The following LHFPL1 variants were observed in gnomAD, a reference collection of about 807,000 sequenced individuals.
LHFPL1 encodes LHFPL tetraspan subfamily member 1.
Under a neutral mutation model 12.1 loss-of-function variants are expected in LHFPL1, and 4 were observed. That is an observed-to-expected ratio of 0.33 (90% CI 0.16 to 0.76). The LOEUF (loss-of-function observed/expected upper bound fraction) is 0.76. Ranked by LOEUF, LHFPL1 falls within the 30% of genes least tolerant of loss-of-function variation. The probability of loss-of-function intolerance (pLI) is 0.61; values close to 1 mark genes in which losing one functional copy is unlikely to be tolerated. For missense variants in LHFPL1, 141 were observed against 174.1 expected (o/e 0.81, Z 1.07); for synonymous variants, 52 against 61.9 (o/e 0.84, Z 0.75).
chrX:112,645,585 AC>A (rs1321713148), intron 3 of LHFPL1, among the ~76,000 whole-genome samples: 1 of 111,870 alleles, frequency 8.9e-6, no homozygotes, highest in Non-Finnish European at 1.9e-5. Context: ...GCCCAAGGTC[AC>A]AGAGCTAAGA....
intron 3 of LHFPL1, among the ~76,000 whole-genome samples, chrX:112,640,953 A>T (rs1445541414): frequency 1.8e-5 from 2 of 111,748 alleles, no homozygotes; most frequent in African/African-American, 6.5e-5. Context: ...AATGTTCAGA[A>T]TATGCTTTTT....
intron 3 of LHFPL1, among the ~76,000 whole-genome samples, chrX:112,646,397 G>A (rs1490364338): frequency 9.2e-6 from 1 of 109,006 alleles, no homozygotes; most frequent in Non-Finnish European, 1.9e-5. Flanking sequence ...GCAATTGTAC[G>A]GTTTTGTTTT....
chrX:112,655,612 T>C (rs771424518), intron 3 of LHFPL1, among the ~76,000 whole-genome samples: 1 of 112,063 alleles, frequency 8.9e-6, no homozygotes. Context: ...TTCATCTCTC[T>C]GAACCATGTC....
chrX:112,679,471 A>G (rs576947776), intron 1 of LHFPL1, among the ~76,000 whole-genome samples: 7 of 111,844 alleles, frequency 6.3e-5, no homozygotes, highest in African/African-American at 2.3e-4. Context: ...TTTTACTTGT[A>G]TAGACAGGTC....
intron 1 of LHFPL1, among the ~76,000 whole-genome samples, chrX:112,673,528 G>A (rs1931570592): frequency 8.9e-6 from 1 of 111,847 alleles, no homozygotes; most frequent in African/African-American, 3.3e-5. Flanking sequence ...TGATGAAGCA[G>A]CCCAGGCCAG....
intron 1 of LHFPL1, among the ~76,000 whole-genome samples, chrX:112,673,949 C>T (rs112526216): frequency 0.058 from 6,493 of 111,472 alleles, 168 homozygotes; most frequent in Middle Eastern, 0.096. Flanking sequence ...AAACTAACTC[C>T]GAATGTCCCT....
intron 3 of LHFPL1, among the ~76,000 whole-genome samples, chrX:112,633,303 A>T (rs183384183): frequency 2.7e-5 from 3 of 112,159 alleles, no homozygotes; most frequent in Non-Finnish European, 5.6e-5. Flanking sequence ...ACTATGGCTT[A>T]AATTTTGAAT....
intron 1 of LHFPL1, among the ~76,000 whole-genome samples, chrX:112,671,714 A>C (rs1365310850): frequency 8.9e-6 from 1 of 112,047 alleles, no homozygotes; most frequent in Non-Finnish European, 1.9e-5. Context: ...GCCGGATCAG[A>C]CAGCTTTTAA....
chrX:112,665,442 C>G (rs371955816), intron 2 of LHFPL1, among the ~76,000 whole-genome samples: 1 of 111,777 alleles, frequency 8.9e-6, no homozygotes, highest in Non-Finnish European at 1.9e-5. Flanking sequence ...CCACCTGCCT[C>G]GGCCTCCCAA....
At chrX:112,639,829 T>G (rs1464233390) in intron 3 of LHFPL1, among the ~76,000 whole-genome samples, 2 of 112,301 alleles carry the variant, frequency 1.8e-5, no homozygotes, top group Admixed American at 9.4e-5. Context: ...CACTTCTGGG[T>G]CACCCCGTGT....
chrX:112,632,752 T>G (rs775388409), intron 3 of LHFPL1, among the ~76,000 whole-genome samples: 34 of 112,023 alleles, frequency 3.0e-4, no homozygotes, highest in African/African-American at 9.1e-4. Flanking sequence ...TTTAGTTGAT[T>G]AGTTGGTGTC....
At chrX:112,677,390 T>G (rs1232915732) in intron 1 of LHFPL1, among the ~76,000 whole-genome samples, 1 of 111,489 alleles carries the variant, frequency 9.0e-6, no homozygotes, top group African/African-American at 3.3e-5. Flanking sequence ...GCAGCTTTCT[T>G]GGCACTGGTG....
At chrX:112,659,589 T>C (rs913667418) in intron 3 of LHFPL1, among the ~76,000 whole-genome samples, 1 of 112,154 alleles carries the variant, frequency 8.9e-6, no homozygotes, top group African/African-American at 3.2e-5. Context: ...AACGAAACTG[T>C]CATTTTCAAA....
intron 3 of LHFPL1, among the ~76,000 whole-genome samples, chrX:112,647,078 T>C (rs1930712902): frequency 8.9e-6 from 1 of 111,995 alleles, no homozygotes; most frequent in African/African-American, 3.2e-5. Flanking sequence ...TTATATTGTG[T>C]TCATGAGAAC....
chrX:112,649,786 A>G lies in LHFPL1; in HGVS notation c.481+10841T>C, dbSNP rs529959226. Among the ~76,000 whole-genome samples the G allele has an allele frequency of 1.0e-3, 114 of 111,584 alleles. No homozygotes were observed. In the South Asian group the frequency reaches 0.018, roughly 18 times the overall value. On this transcript the variant is annotated intron_variant, in intron 3 of 3. Coordinates refer to ENST00000371968, the MANE Select transcript of LHFPL1 (RefSeq NM_178175.4). ...GTTATTTATATGTATTTTGTCTTTTATAACTTTTTTCTTCTCTACAAGTTT... is the reference window on the plus strand; with the variant it reads ...GTTATTTATATGTATTTTGTCTTTTGTAACTTTTTTCTTCTCTACAAGTTT...
chrX:112,660,754 A>G, intron 2 of LHFPL1, 29 bp from the exon 3 acceptor site: 1 of 1,028,812 alleles, frequency 9.7e-7, no homozygotes, highest in Non-Finnish European at 1.4e-6. Context: ...CACAGACAGA[A>G]AAAATATAAC....
intron 3 of LHFPL1, among the ~76,000 whole-genome samples, chrX:112,649,585 T>C (rs1372451896): frequency 8.9e-6 from 1 of 111,998 alleles, no homozygotes; most frequent in East Asian, 2.8e-4. Context: ...CTTCCAATAT[T>C]CCCCTATGAA....
intron 3 of LHFPL1, among the ~76,000 whole-genome samples, chrX:112,642,077 G>C (rs1320209546): frequency 9.1e-6 from 1 of 110,179 alleles, no homozygotes; most frequent in Admixed American, 9.6e-5. Flanking sequence ...TTTCATCCCT[G>C]TAACTCTAGC....
At chrX:112,633,056 T>C (rs1051521456) in intron 3 of LHFPL1, among the ~76,000 whole-genome samples, 2 of 112,476 alleles carry the variant, frequency 1.8e-5, no homozygotes, top group African/African-American at 3.2e-5. Context: ...GTATACTCCA[T>C]TGACAGATGT....
Sources: allele counts gnomAD v4.1 joint callset (sites outside exome capture counted in the v4.1 genomes callset), GRCh38; gene constraint gnomAD v4.1.1; transcripts MANE v1.5; gene names NCBI Gene and HGNC (gene_info 2026-07-23, HGNC 2026-07-21).